The following MGAT5 variants were observed in gnomAD, a reference collection of about 807,000 sequenced individuals.
MGAT5 encodes the protein alpha-1,6-mannosylglycoprotein 6-beta-N-acetylglucosaminyltransferase A.
A neutral mutation model predicts 94.3 loss-of-function variants in MGAT5; 30 were observed. The observed-to-expected ratio is 0.32, with a 90% confidence interval of 0.24 to 0.43. The LOEUF (loss-of-function observed/expected upper bound fraction) is 0.43, where lower values mean the gene tolerates loss of function less well. Ranked by LOEUF, MGAT5 falls within the 20% of genes least tolerant of loss-of-function variation. The pLI is 1.00. For synonymous variants in MGAT5, 310 were observed against 322.9 expected (o/e 0.96, Z 0.43); for missense variants, 691 against 905.5 (o/e 0.76, Z 3.04).
chr2:134,454,195 T>G lies in MGAT5; in HGVS notation c.*5348T>G, dbSNP rs887811823. 2.6e-5 allele frequency: 4 copies of G among 152,188 alleles called. No homozygotes were observed. Among genetic ancestry groups the G allele is most frequent in the Admixed American group, 2.6e-4 (4 of 15,266 alleles). The allele number at this position is 152,188 out of a possible 1,614,324, so 9.4% of individuals were successfully genotyped here. On this transcript the variant is annotated 3_prime_UTR_variant, in exon 16 of 16. Coordinates refer to ENST00000281923, the MANE Select transcript of MGAT5 (RefSeq NM_002410.5). ...GAGGATGGCGGGGACGGGGTGGTGC[T>G]CAAAGGATCTGTGGTGCTGGAGGTC...
chr2:134,378,377 C>G (rs1681320566), intron 10 of MGAT5, among the ~76,000 whole-genome samples: 1 of 152,128 alleles, frequency 6.6e-6, no homozygotes, highest in African/African-American at 2.4e-5. Context: ...CTGTGCTTTA[C>G]CTTCCCCAGG....
intron 10 of MGAT5, among the ~76,000 whole-genome samples, chr2:134,387,327 TATATA>T (rs376523531): frequency 0.013 from 580 of 45,910 alleles, 10 homozygotes; most frequent in Non-Finnish European, 0.02. Context: ...TATATATATA[TATATA>T]TTTTTTTTTT....
intron 2 of MGAT5, among the ~76,000 whole-genome samples, chr2:134,296,131 C>G (rs756949474): frequency 1.3e-5 from 2 of 152,128 alleles, no homozygotes; most frequent in Non-Finnish European, 2.9e-5. Flanking sequence ...ACAGACTAAA[C>G]TCATGGAATT....
chr2:134,179,725 C>G (rs951692315), intron 1 of MGAT5, among the ~76,000 whole-genome samples: 11 of 152,170 alleles, frequency 7.2e-5, no homozygotes, highest in Admixed American at 3.9e-4. Flanking sequence ...ACTTCTGAAT[C>G]TGTCAGAGGC....
intron 1 of MGAT5, among the ~76,000 whole-genome samples, chr2:134,150,762 A>G (rs1277750145): frequency 6.6e-6 from 1 of 152,248 alleles, no homozygotes; most frequent in African/African-American, 2.4e-5. Flanking sequence ...ACATAATAGA[A>G]TACAGTTATG....
intron 1 of MGAT5, among the ~76,000 whole-genome samples, chr2:134,193,317 G>T (rs376960733): frequency 6.6e-6 from 1 of 151,984 alleles, no homozygotes; most frequent in African/African-American, 2.4e-5. Flanking sequence ...GGGTCTCCCT[G>T]TGTTGCATGG....
At chr2:134,318,842 G>A (rs1687159784) in intron 4 of MGAT5, 103 bp downstream of exon 4, 5 of 748,614 alleles carry the variant, frequency 6.7e-6, no homozygotes, top group Non-Finnish European at 2.3e-6. Context: ...GTATTTTTAT[G>A]TGGAGGACCT....
rs1558898400 is a variant in MGAT5 at position 134,449,972 on chromosome 2, C to T, written c.*1125C>T. On this transcript the variant is annotated 3_prime_UTR_variant, in exon 16 of 16. Transcript: ENST00000281923. ...GGATGAATGCAGTGCCCTGTCCTGG[C>T]TACTCACCTGAGGGTGTAGCTCGCA... 6.6e-6 allele frequency: 1 copy of T among 152,294 alleles called. No homozygotes were observed. Among genetic ancestry groups the T allele is most frequent in the Non-Finnish European group, 1.5e-5 (1 of 68,160 alleles). The allele number at this position is 152,294 out of a possible 1,614,324, so 9.4% of individuals were successfully genotyped here.
chr2:134,321,637 C>G (rs886334293), intron 4 of MGAT5, among the ~76,000 whole-genome samples: 1 of 152,198 alleles, frequency 6.6e-6, no homozygotes, highest in Non-Finnish European at 1.5e-5. Context: ...ACTACGTTTT[C>G]TCTTCCTGAG....
intron 1 of MGAT5, among the ~76,000 whole-genome samples, chr2:134,245,546 T>C (rs1682206267): frequency 6.6e-6 from 1 of 152,198 alleles, no homozygotes; most frequent in Admixed American, 6.5e-5. Context: ...GGTTTTCTCT[T>C]ACCCCACCCA....
intron 2 of MGAT5, among the ~76,000 whole-genome samples, chr2:134,298,623 G>T (rs1685835430): frequency 6.6e-6 from 1 of 152,122 alleles, no homozygotes; most frequent in Non-Finnish European, 1.5e-5. Context: ...AAATATAGTT[G>T]TGAATTTCCA....
At chr2:134,126,099 C>G (rs1685827057) in intron 1 of MGAT5, among the ~76,000 whole-genome samples, 1 of 152,230 alleles carries the variant, frequency 6.6e-6, no homozygotes, top group South Asian at 2.1e-4. Context: ...ACACAAAATG[C>G]TTTTCTGAAC....
At chr2:134,445,750 A>T (rs901047455) in intron 15 of MGAT5, among the ~76,000 whole-genome samples, 6 of 152,332 alleles carry the variant, frequency 3.9e-5, no homozygotes, top group African/African-American at 1.2e-4. Context: ...TCTGAGCAGG[A>T]GGATGTGCTT....
chr2:134,129,658 C>G (rs1686025309), intron 1 of MGAT5, among the ~76,000 whole-genome samples: 1 of 151,062 alleles, frequency 6.6e-6, no homozygotes, highest in South Asian at 2.1e-4. Flanking sequence ...TCTGCTAAGG[C>G]CAGATGTTGA....
At chr2:134,352,161 C>G (rs1283185921) in intron 9 of MGAT5, among the ~76,000 whole-genome samples, 1 of 152,152 alleles carries the variant, frequency 6.6e-6, no homozygotes, top group African/African-American at 2.4e-5. Context: ...AGCAAAACCG[C>G]CTCTGCATTT....
chr2:134,415,788 T>G (rs976711373), intron 12 of MGAT5, among the ~76,000 whole-genome samples: 3 of 152,234 alleles, frequency 2.0e-5, no homozygotes, highest in African/African-American at 7.2e-5. Flanking sequence ...TGAATTCATT[T>G]TTATAGATAG....
intron 2 of MGAT5, among the ~76,000 whole-genome samples, chr2:134,309,883 A>G (rs1289966798): frequency 6.6e-6 from 1 of 152,232 alleles, no homozygotes; most frequent in Non-Finnish European, 1.5e-5. Context: ...GCCATAAAAT[A>G]GATTAAATAA....
chr2:134,198,325 G>A (rs117765238), intron 1 of MGAT5, among the ~76,000 whole-genome samples: 1 of 152,184 alleles, frequency 6.6e-6, no homozygotes, highest in African/African-American at 2.4e-5. Flanking sequence ...GTCAAGCTCT[G>A]TGTAGCTCTG....
chr2:134,369,648 G>T (rs1276636482), intron 10 of MGAT5, among the ~76,000 whole-genome samples: 1 of 151,954 alleles, frequency 6.6e-6, no homozygotes, highest in African/African-American at 2.4e-5. Flanking sequence ...AGAGGTCATT[G>T]GTTACTTAGG....
Sources: allele counts gnomAD v4.1 joint callset (sites outside exome capture counted in the v4.1 genomes callset), GRCh38; gene constraint gnomAD v4.1.1; transcripts MANE v1.5; gene names NCBI Gene and HGNC (gene_info 2026-07-23, HGNC 2026-07-21).